Variants in ASIC2 observed in about 807,000 individuals in gnomAD.
ASIC2 encodes the protein acid-sensing ion channel 2.
ASIC2 carries 25 observed loss-of-function variants against 57.3 expected under a neutral mutation model. The ratio of observed to expected loss-of-function variants is 0.44; its 90% CI spans 0.32 to 0.61. ASIC2 has a LOEUF of 0.61. Among genes scored for constraint, ASIC2 ranks in the 20% least tolerant of loss-of-function variants. The pLI, the probability that ASIC2 is intolerant of heterozygous loss-of-function variation, is 0.06. For missense variants in ASIC2, 641 were observed against 738.1 expected (o/e 0.87, Z 1.52); for synonymous variants, 319 against 307.5 (o/e 1.04, Z -0.39).
intron 1 of ASIC2, among the ~76,000 whole-genome samples, chr17:33,138,649 C>T (rs577708460): frequency 6.6e-6 from 1 of 152,310 alleles, no homozygotes; most frequent in African/African-American, 2.4e-5. Context: ...GCACCGAAGC[C>T]CTCCCTTCAC....
intron 1 of ASIC2, among the ~76,000 whole-genome samples, chr17:33,674,877 G>T (rs1013082832): frequency 6.6e-6 from 1 of 152,126 alleles, no homozygotes; most frequent in Admixed American, 6.5e-5. Context: ...CAGAAATTGA[G>T]GAATCACGTG....
intron 1 of ASIC2, among the ~76,000 whole-genome samples, chr17:33,549,862 G>C (rs555792640): frequency 7.2e-5 from 11 of 152,116 alleles, no homozygotes; most frequent in Admixed American, 3.9e-4. Flanking sequence ...CAGTGACTTG[G>C]GTGACAATGG....
chr17:33,637,880 G>T (rs1265270455), intron 1 of ASIC2, among the ~76,000 whole-genome samples: 3 of 152,186 alleles, frequency 2.0e-5, no homozygotes, highest in African/African-American at 7.2e-5. Context: ...AGGCTGAGAG[G>T]TTAGGGTTTT....
intron 1 of ASIC2, among the ~76,000 whole-genome samples, chr17:33,769,638 C>T (rs1911037307): frequency 1.3e-5 from 2 of 152,190 alleles, no homozygotes; most frequent in Non-Finnish European, 2.9e-5. Context: ...TCATGTGTCA[C>T]CTTAGCCTAT....
chr17:33,583,802 G>T (rs1474634638), intron 1 of ASIC2, among the ~76,000 whole-genome samples: 1 of 152,178 alleles, frequency 6.6e-6, no homozygotes, highest in Non-Finnish European at 1.5e-5. Flanking sequence ...ATGCTCAGCT[G>T]CCACGGTTTC....
At chr17:33,730,804 C>T (rs765328198) in intron 1 of ASIC2, among the ~76,000 whole-genome samples, 8 of 152,164 alleles carry the variant, frequency 5.3e-5, no homozygotes, top group Non-Finnish European at 7.3e-5. Flanking sequence ...TATGTGGTTA[C>T]TGTTGATTGA....
chr17:33,770,052 C>A (rs1261693324), intron 1 of ASIC2, among the ~76,000 whole-genome samples: 1 of 152,126 alleles, frequency 6.6e-6, no homozygotes, highest in African/African-American at 2.4e-5. Flanking sequence ...AGACAGGAGG[C>A]CCTAGGTAGG....
intron 1 of ASIC2, among the ~76,000 whole-genome samples, chr17:33,579,744 T>A (rs1369693623): frequency 6.6e-6 from 1 of 152,142 alleles, no homozygotes; most frequent in Non-Finnish European, 1.5e-5. Flanking sequence ...ACCCAAACAC[T>A]AAACAGCAGC....
chr17:33,392,958 C>A (rs1244442680), intron 1 of ASIC2, among the ~76,000 whole-genome samples: 1 of 152,168 alleles, frequency 6.6e-6, no homozygotes, highest in Non-Finnish European at 1.5e-5. Context: ...ATAAGCCCTG[C>A]AGACTGTTCT....
chr17:33,629,332 GAATT>G (rs57357582), intron 1 of ASIC2, among the ~76,000 whole-genome samples: 150,129 of 152,258 alleles, frequency 0.99, 74,019 homozygotes, highest in East Asian at 1. Context: ...AGGCACTTAG[GAATT>G]AATTGTCTGA....
intron 1 of ASIC2, among the ~76,000 whole-genome samples, chr17:33,863,906 T>G (rs1597907166): frequency 1.6e-5 from 1 of 63,336 alleles, no homozygotes; most frequent in African/African-American, 5.5e-5. Context: ...TTTTGTTTTT[T>G]TTTTTTTTGT....
Position 34,155,719 on chromosome 17 carries a change from C to A in ASIC2, c.555+259G>T, listed in dbSNP as rs1024571286. On this transcript the variant is annotated intron_variant, in intron 1 of 9. Transcript: ENST00000359872. ...TGACTGGGAGGAAGCCAACTGAGCA[C>A]GTCTGGGGAAGTGATCCCCCACCGC... is the stretch of plus-strand genomic sequence containing the variant. The A allele has an allele frequency of 8.3e-6, 4 of 483,560 alleles. No individual in the cohort carries two copies. In the Admixed American group the frequency reaches 1.1e-4, roughly 14 times the overall value. 30.0% of individuals were successfully genotyped at this position (483,560 alleles called of 1,614,324 possible).
chr17:33,357,019 C>T (rs1908408719), intron 1 of ASIC2, among the ~76,000 whole-genome samples: 1 of 72 alleles, frequency 0.014, no homozygotes. Context: ...CTTCTTTGAG[C>T]ATCAGAATCC....
chr17:33,474,758 G>A lies in ASIC2; in HGVS notation c.556-362691C>T, dbSNP rs547000667. The stretch of plus-strand genomic sequence containing the variant: ...AAAGGCCAGCCTCCTATGGCAGAGG[G>A]CAAGGTGACAGAGGGTGGAGAGTGG... On this transcript the variant is annotated intron_variant, in intron 1 of 9. Coordinates refer to the ASIC2 transcript ENST00000359872. Among the ~76,000 whole-genome samples the A allele has an allele frequency of 2.0e-5, 3 of 152,336 alleles. No homozygotes were observed. The East Asian group carries it at 5.8e-4, about 29-fold the overall frequency.
intron 1 of ASIC2, among the ~76,000 whole-genome samples, chr17:33,570,117 G>T (rs775753423): frequency 6.6e-6 from 1 of 152,036 alleles, no homozygotes; most frequent in Non-Finnish European, 1.5e-5. Flanking sequence ...GCTGTCTCCT[G>T]GGTGATCTAC....
At chr17:33,254,152 C>T (rs1490060200) in intron 1 of ASIC2, among the ~76,000 whole-genome samples, 3 of 152,298 alleles carry the variant, frequency 2.0e-5, no homozygotes, top group South Asian at 4.1e-4. Flanking sequence ...GCTAAGGAGG[C>T]TCAGGCAACT....
chr17:33,566,039 C>T (rs1333087568), intron 1 of ASIC2: 2 of 152,280 alleles, frequency 1.3e-5, no homozygotes, highest in African/African-American at 4.8e-5. Flanking sequence ...GCTGGGAGCA[C>T]CCTTCCTGGC....
intron 1 of ASIC2, among the ~76,000 whole-genome samples, chr17:33,676,065 C>T (rs1299693446): frequency 5.9e-5 from 9 of 152,056 alleles, no homozygotes; most frequent in Non-Finnish European, 8.8e-5. Context: ...TCTGATATGA[C>T]GATCTATGAT....
intron 1 of ASIC2, among the ~76,000 whole-genome samples, chr17:34,129,610 C>G (rs768086853): frequency 6.6e-6 from 1 of 152,188 alleles, no homozygotes; most frequent in Non-Finnish European, 1.5e-5. Context: ...ATAGTACCCC[C>G]TCATGGAGAC....
Sources: allele counts gnomAD v4.1 joint callset (sites outside exome capture counted in the v4.1 genomes callset), GRCh38; gene constraint gnomAD v4.1.1; transcripts MANE v1.5; gene names NCBI Gene and HGNC (gene_info 2026-07-23, HGNC 2026-07-21).